ABCC8: variants seen among roughly 807,000 people sequenced by gnomAD.
ABCC8 encodes the protein ATP-binding cassette sub-family C member 8.
A neutral mutation model predicts 188.0 loss-of-function variants in ABCC8; 137 were observed. The observed-to-expected ratio is 0.73, with a 90% CI of 0.63 to 0.84. The LOEUF (loss-of-function observed/expected upper bound fraction) is 0.84. Ranked by LOEUF, ABCC8 falls within the 40% of genes least tolerant of loss-of-function variation. The pLI, the probability that ABCC8 is intolerant of heterozygous loss-of-function variation, is 0.00. For synonymous variants in ABCC8, 797 were observed against 846.5 expected (o/e 0.94, Z 1.01); for missense variants, 1,750 against 2,072.7 (o/e 0.84, Z 3.02).
intron 35 of ABCC8, 62 bp from the exon 36 acceptor site, chr11:17,395,337 G>C (rs1027223698): frequency 6.4e-7 from 1 of 1,550,918 alleles, no homozygotes; most frequent in Non-Finnish European, 8.7e-7. Context: ...ATCCCCAGGC[G>C]GCAAAGAGGG....
At chr11:17,396,006 T>G (rs917189888) in intron 33 of ABCC8, 76 bp from the exon 34 acceptor site, 4 of 1,545,826 alleles carry the variant, frequency 2.6e-6, no homozygotes, top group Non-Finnish European at 2.6e-6. Context: ...GCTCTGGGTG[T>G]GTGTGCAGGT....
chr11:17,430,706 G>C, intron 12 of ABCC8, 108 bp downstream of exon 12: 1 of 1,281,948 alleles, frequency 7.8e-7, no homozygotes, highest in Non-Finnish European at 1.1e-6. Context: ...CCAGCAATGG[G>C]GGTGTGTTCC....
chr11:17,416,267 G>A (rs1591769723), intron 17 of ABCC8, among the ~76,000 whole-genome samples: 1 of 152,154 alleles, frequency 6.6e-6, no homozygotes, highest in African/African-American at 2.4e-5. Context: ...GGGAGGGAAG[G>A]TTTTGAGGGA....
intron 3 of ABCC8, among the ~76,000 whole-genome samples, chr11:17,467,625 GA>G (rs1848244807): frequency 6.6e-6 from 1 of 152,184 alleles, no homozygotes; most frequent in Non-Finnish European, 1.5e-5. Flanking sequence ...TGGGTTCCAG[GA>G]TCATGGTTCC....
At chr11:17,454,619 G>T (rs577584037) in intron 6 of ABCC8, among the ~76,000 whole-genome samples, 3 of 152,174 alleles carry the variant, frequency 2.0e-5, no homozygotes, top group African/African-American at 7.2e-5. Flanking sequence ...ATTTCCAGGG[G>T]AGGAAGGGGC....
chr11:17,408,134 T>C, intron 23 of ABCC8: 2 of 391,742 alleles, frequency 5.1e-6, no homozygotes, highest in East Asian at 4.6e-5. Context: ...CCAGTTTGAG[T>C]TGATTTTCTG....
At chr11:17,431,286 G>T (rs1342805884) in intron 11 of ABCC8, among the ~76,000 whole-genome samples, 2 of 152,238 alleles carry the variant, frequency 1.3e-5, no homozygotes, top group South Asian at 4.1e-4. Context: ...AGCAGGCGGG[G>T]TGCTCATCTC....
At chr11:17,415,622 A>G (rs775039228) in intron 17 of ABCC8, among the ~76,000 whole-genome samples, 10 of 152,024 alleles carry the variant, frequency 6.6e-5, no homozygotes, top group African/African-American at 2.2e-4. Flanking sequence ...TGGGGGGAAA[A>G]CTTGTCAGAT....
At position 17,397,272 on chromosome 11, in the gene ABCC8, G is replaced by A. The variant is rs1015622529; in HGVS notation, c.3909C>T (p.Asp1303=). The stretch of plus-strand genomic sequence containing the variant: ...TCACAGCCCCCAGCTGGAGCTCCAT[G>A]TCTGCCAGGTTCCTCACCATCCAGT... The part of the protein sequence containing the change: ...YLNWMVRNLA[D]MELQLGAVKR... Residue 1303 remains aspartate (D), a synonymous_variant, in exon 32 of 39, where the codon GAC becomes GAT. Transcript: ENST00000389817. The A allele has an allele frequency of 1.2e-6, 2 of 1,613,202 alleles. No homozygotes were observed. Among genetic ancestry groups the A allele is most frequent in the African/African-American group, 1.3e-5 (1 of 74,940 alleles).
At chr11:17,424,075 A>T (rs1955473702) in intron 16 of ABCC8, among the ~76,000 whole-genome samples, 1 of 152,212 alleles carries the variant, frequency 6.6e-6, no homozygotes, top group Non-Finnish European at 1.5e-5. Context: ...ACAGAAAACC[A>T]ACCACCACAT....
Position 17,472,057 on chromosome 11 carries a change from A to G in ABCC8, c.291-1835T>C, listed in dbSNP as rs545092448. On this transcript the variant is annotated intron_variant, in intron 2 of 38. Transcript: ENST00000389817. ...TGAAACACCCTCTACTCTCTCACAC[A>G]TTTTTAAGCTGACATCTAGACATGT... Among the ~76,000 whole-genome samples, 5 of 152,246 alleles carry G rather than the reference A, an allele frequency of 3.3e-5. No homozygotes were observed. The South Asian group carries it at 1.0e-3, about 32-fold the overall frequency.
Position 17,397,034 on chromosome 11 carries a change from A to G in ABCC8, c.4001T>C (p.Ile1334Thr), listed in dbSNP as rs779120778. 1 of 1,614,048 alleles carries G rather than the reference A, an allele frequency of 6.2e-7. No individual in the cohort carries two copies. Among genetic ancestry groups the G allele is most frequent in the Non-Finnish European group, 8.5e-7 (1 of 1,179,996 alleles). ...SYEGLLAPSL[I>T]PKNWPDQGKI... ...CCCTTGGTCTGGCCAGTTCTTTGGG[A>G]TCAGCGATGGTGCTGGGGGCCGGGC... Residue 1334 changes from isoleucine (I) to threonine (T), a missense_variant, in exon 33 of 39, where the codon ATC becomes ACC. Transcript: ENST00000389817.
chr11:17,442,828 G>C lies in ABCC8; in HGVS notation c.1522C>G (p.Leu508Val). 1 of 1,614,108 alleles carries C rather than the reference G, an allele frequency of 6.2e-7. No homozygotes were observed. Residue 508 changes from leucine to valine, a missense_variant, in exon 10 of 39, where the codon CTG (leucine) becomes GTG (valine). Leu to Val is a conservative substitution (Grantham distance 32, BLOSUM62 1). Transcript: ENST00000389817. ...TTCTCCCAGGCGTACAGCTTCAGCA[G>C]CTTGATGCCGCGGAGCATCTCGTTG... is the stretch of plus-strand genomic sequence containing the variant. ...QTNEMLRGIKLLKLYAWENIF... is the reference protein window; with the variant it reads ...QTNEMLRGIKVLKLYAWENIF...
chr11:17,413,508 T>A (rs1337960199), intron 19 of ABCC8, 30 bp from the exon 20 acceptor site: 2 of 1,612,848 alleles, frequency 1.2e-6, no homozygotes, highest in South Asian at 1.1e-5. Context: ...GGGATGCAGC[T>A]GGTCAGCCTG....
chr11:17,468,466 G>A (rs1848291230), intron 3 of ABCC8, among the ~76,000 whole-genome samples: 1 of 152,200 alleles, frequency 6.6e-6, no homozygotes, highest in Non-Finnish European at 1.5e-5. Flanking sequence ...CAAGGACGAA[G>A]TCTGAGGGCC....
chr11:17,411,861 A>G (rs1360023337), intron 21 of ABCC8, among the ~76,000 whole-genome samples: 1 of 150,826 alleles, frequency 6.6e-6, no homozygotes, highest in Non-Finnish European at 1.5e-5. Context: ...AGAACTTGAC[A>G]TGAAGTAGTG....
rs1955118307 is a variant in ABCC8 at position 17,417,115 on chromosome 11, A to C, written c.2223-153T>G. ...AATGGCCTCTGTGGGGTCAGAAAGC[A>C]CTCTTCTCAATCTCTGTCCCTCCCA... On this transcript the variant is annotated intron_variant, in intron 16 of 38. Transcript: ENST00000389817. 10 of 1,513,686 alleles carry C rather than the reference A, an allele frequency of 6.6e-6. No homozygotes were observed. The Admixed American group carries it at 2.0e-4, about 30-fold the overall frequency. The allele number at this position is 1,513,686 out of a possible 1,614,324, so 93.8% of individuals were successfully genotyped here. A position where few individuals can be genotyped will look rare whatever the true frequency, so the allele number is the denominator to read the frequency against.
At chr11:17,461,108 G>A (rs1957173125) in intron 5 of ABCC8, 1 of 343,188 alleles carries the variant, frequency 2.9e-6, no homozygotes, top group Non-Finnish European at 5.5e-6. Flanking sequence ...GCCAGCTCTG[G>A]GCAGGTCACA....
At chr11:17,462,020 TTGTAAC>T in intron 4 of ABCC8, 195 bp from the exon 5 acceptor site, 1 of 580,946 alleles carries the variant, frequency 1.7e-6, no homozygotes, top group Non-Finnish European at 2.2e-6. Flanking sequence ...CATCCTGACT[TTGTAAC>T]TGCTCATTGA....
Sources: allele counts gnomAD v4.1 joint callset (sites outside exome capture counted in the v4.1 genomes callset), GRCh38; gene constraint gnomAD v4.1.1; transcripts MANE v1.5; gene names NCBI Gene and HGNC (gene_info 2026-07-23, HGNC 2026-07-21).